The following DNAH6 variants were observed in gnomAD, a reference collection of about 807,000 sequenced individuals.
The protein encoded by DNAH6 is dynein axonemal heavy chain 6, also known as axonemal beta dynein heavy chain 6.
DNAH6 carries 340 observed loss-of-function variants against 491.4 expected under a neutral mutation model. The ratio of observed to expected loss-of-function variants is 0.69; its 90% CI spans 0.63 to 0.76. DNAH6 has a LOEUF of 0.76. DNAH6 is among the 30% of genes least tolerant of loss of function. DNAH6 has a pLI of 0.00. For missense variants in DNAH6, 4,443 were observed against 4,972.2 expected (o/e 0.89, Z 3.20); for synonymous variants, 1,603 against 1,686.1 (o/e 0.95, Z 1.21).
chr2:84,595,878 A>G (rs1248442909), intron 18 of DNAH6, 89 bp downstream of exon 18: 1 of 1,313,266 alleles, frequency 7.6e-7, no homozygotes, highest in Non-Finnish European at 1.0e-6. Flanking sequence ...TTTTTCCCTG[A>G]TTAAGTTAGT....
intron 2 of DNAH6, among the ~76,000 whole-genome samples, chr2:84,521,407 T>G (rs1676128319): frequency 6.6e-6 from 1 of 152,172 alleles, no homozygotes; most frequent in Non-Finnish European, 1.5e-5. Flanking sequence ...AAATATTTTC[T>G]TCCATTCTGT....
chr2:84,507,996 G>A, the DNAH6 span, among the ~76,000 whole-genome samples: 42 of 152,258 alleles, frequency 2.8e-4, no homozygotes, highest in Admixed American at 1.1e-3. Flanking sequence ...TTTTTGCATC[G>A]ATGTTCATCA....
rs1175929395 is a variant in DNAH6, at chr2:84,549,966, A to G, written c.1394A>G (p.Asn465Ser). 6.2e-7 allele frequency: 1 copy of G among 1,613,978 alleles called. No homozygotes were observed. ...LTVNAVNSLLNHLTDKLKRTP... is the reference protein window; with the variant it reads ...LTVNAVNSLLSHLTDKLKRTP... Reference sequence around the variant, plus strand: ...GTAAATGCTGTTAATTCGCTTTTGAACCATCTCACTGACAAGCTAAAACGA... The same window carrying G: ...GTAAATGCTGTTAATTCGCTTTTGAGCCATCTCACTGACAAGCTAAAACGA... Residue 465 changes from asparagine to serine, a missense_variant, in exon 9 of 77, where the codon AAC becomes AGC. By Grantham distance (46) the Asn-to-Ser change is conservative (BLOSUM62 1). Around this residue, in one of 3 missense-constraint regions of DNAH6, gnomAD observed 2,977 missense variants for 3,296.6 expected, o/e 0.90. Transcript: ENST00000389394.
Position 84,547,356 on chromosome 2 carries a change from A to T in DNAH6, c.1019A>T (p.Tyr340Phe). 6.4e-7 allele frequency: 1 copy of T among 1,551,760 alleles called. No individual in the cohort carries two copies. The highest frequency in any genetic ancestry group is 8.7e-7 in the Non-Finnish European group (1 of 1,146,942). The stretch of plus-strand genomic sequence containing the variant: ...TGTTATATTGAAAAGTGTCACACCT[A>T]CACCCTGCAGGAATTTAAGGCCGCA... The part of the protein sequence containing the change: ...GLCYIEKCHT[Y>F]TLQEFKAAQV... The change falls in exon 6 of 77, where the codon TAC becomes TTC. Residue 340 changes from tyrosine (Y) to phenylalanine (F), a missense_variant. By Grantham distance (22) the Tyr-to-Phe change is conservative. This residue lies in a region of DNAH6 where 2,977 missense variants were observed against 3,296.6 expected (regional missense o/e 0.90). Coordinates refer to ENST00000389394, the MANE Select transcript of DNAH6 (RefSeq NM_001370.2).
chr2:84,507,736 G>A, the DNAH6 span, among the ~76,000 whole-genome samples: 22 of 152,248 alleles, frequency 1.4e-4, no homozygotes, highest in African/African-American at 4.3e-4. Flanking sequence ...TTTGAGATAC[G>A]TCCCATCAAT....
intron 70 of DNAH6, among the ~76,000 whole-genome samples, chr2:84,801,860 G>A (rs1573854705): frequency 6.6e-6 from 1 of 151,200 alleles, no homozygotes; most frequent in South Asian, 2.1e-4. Flanking sequence ...CTCCAGCCTG[G>A]GTGACAGAGT....
intron 4 of DNAH6, among the ~76,000 whole-genome samples, chr2:84,532,528 A>G (rs1558671959): frequency 1.3e-5 from 2 of 152,186 alleles, no homozygotes; most frequent in Non-Finnish European, 2.9e-5. Context: ...AAGTAATGTG[A>G]TAAAATAACT....
intron 21 of DNAH6, among the ~76,000 whole-genome samples, chr2:84,607,561 A>G (rs535830396): frequency 6.6e-6 from 1 of 152,204 alleles, no homozygotes; most frequent in African/African-American, 2.4e-5. Context: ...TGACAAGATC[A>G]TTCATACCTC....
chr2:84,582,249 A>G (rs1683100771), intron 14 of DNAH6, among the ~76,000 whole-genome samples: 2 of 152,184 alleles, frequency 1.3e-5, no homozygotes, highest in Non-Finnish European at 1.5e-5. Flanking sequence ...CTTTACAAAA[A>G]GGCCTCTCTC....
At chr2:84,744,959 T>C (rs575202178) in intron 62 of DNAH6, 121 bp from the exon 63 acceptor site, 26 of 593,474 alleles carry the variant, frequency 4.4e-5, no homozygotes, top group African/African-American at 4.0e-4. Flanking sequence ...GATGTATTTA[T>C]AGTATACTTG....
intron 59 of DNAH6, among the ~76,000 whole-genome samples, chr2:84,720,752 C>G (rs1481070104): frequency 6.6e-6 from 1 of 152,144 alleles, no homozygotes; most frequent in Admixed American, 6.5e-5. Context: ...ATTTCCTCGC[C>G]CATTCTTCCT....
the DNAH6 span, among the ~76,000 whole-genome samples, chr2:84,479,392 A>G: frequency 6.6e-6 from 1 of 152,120 alleles, no homozygotes. Flanking sequence ...TTCTTCCACC[A>G]CTTCTCTGAA....
At chr2:84,689,241 T>C (rs1420075508) in intron 45 of DNAH6, among the ~76,000 whole-genome samples, 2 of 152,242 alleles carry the variant, frequency 1.3e-5, no homozygotes. Flanking sequence ...AACCATGATA[T>C]GGAGCATCTC....
intron 16 of DNAH6, among the ~76,000 whole-genome samples, chr2:84,589,711 C>CAAAAAAAA (rs1301777970): frequency 8.6e-5 from 5 of 58,330 alleles, no homozygotes; most frequent in South Asian, 5.8e-4. Flanking sequence ...GACCCTGTCT[C>CAAAAAAAA]AAAAAAAAAA....
the DNAH6 span, among the ~76,000 whole-genome samples, chr2:84,493,930 G>A: frequency 6.6e-6 from 1 of 152,200 alleles, no homozygotes; most frequent in Non-Finnish European, 1.5e-5. Flanking sequence ...TCCCCACCAA[G>A]GCACACAAGG....
chr2:84,565,527 G>A (rs1001210896), intron 11 of DNAH6, among the ~76,000 whole-genome samples: 2 of 151,700 alleles, frequency 1.3e-5, no homozygotes, highest in Non-Finnish European at 2.9e-5. Context: ...TATTTCTCTA[G>A]AATCTGTTGT....
the DNAH6 span, among the ~76,000 whole-genome samples, chr2:84,497,062 C>T: frequency 6.6e-6 from 1 of 151,372 alleles, no homozygotes; most frequent in African/African-American, 2.4e-5. Flanking sequence ...CCTCCACCTG[C>T]CGGGTTTAAG....
chr2:84,670,246 T>A, intron 38 of DNAH6, 82 bp from the exon 39 acceptor site: 1 of 951,718 alleles, frequency 1.1e-6, no homozygotes, highest in South Asian at 1.8e-5. Flanking sequence ...ATCCTGTTTC[T>A]TACTCATTGT....
chr2:84,626,551 G>A (rs545554048), intron 29 of DNAH6, among the ~76,000 whole-genome samples: 4 of 152,176 alleles, frequency 2.6e-5, no homozygotes, highest in African/African-American at 9.6e-5. Context: ...TTCAGGGTTA[G>A]TGGACTGTGT....
Sources: gnomAD v4.1 joint callset for allele counts (sites outside exome capture counted in the v4.1 genomes callset) on GRCh38, gnomAD v4.1.1 for gene constraint, gnomAD v4.1.1 regional missense constraint, MANE v1.5 for transcripts, NCBI Gene and HGNC (gene_info 2026-07-23, HGNC 2026-07-21) for gene names.